Variants in SHISA6 observed in about 807,000 individuals in gnomAD.
The protein encoded by SHISA6 is protein shisa-6.
In SHISA6, 22 loss-of-function variants were observed where a neutral mutation model predicts 47.9. That is an observed-to-expected ratio of 0.46 (90% CI 0.33 to 0.66). The LOEUF (loss-of-function observed/expected upper bound fraction) is 0.66, where lower values mean the gene tolerates loss of function less well. Ranked by LOEUF, SHISA6 falls within the 30% of genes least tolerant of loss-of-function variation. The probability of loss-of-function intolerance (pLI) is 0.02; values close to 1 mark genes in which losing one functional copy is unlikely to be tolerated. For synonymous variants in SHISA6, 388 were observed against 337.8 expected (o/e 1.15, Z -1.63); for missense variants, 680 against 764.6 (o/e 0.89, Z 1.30).
chr17:11,552,082 A>T, intron 4 of SHISA6, 130 bp downstream of exon 4: 1 of 944,568 alleles, frequency 1.1e-6, no homozygotes, highest in Non-Finnish European at 1.6e-6. Flanking sequence ...CCAAGGAGCC[A>T]CAGGCTCGCC....
intron 3 of SHISA6, among the ~76,000 whole-genome samples, chr17:11,473,912 A>T (rs2321890): frequency 1.1e-4 from 17 of 151,596 alleles, no homozygotes; most frequent in Non-Finnish European, 2.1e-4. Context: ...TCCCCTTGCC[A>T]GTCATCCCCC....
intron 1 of SHISA6, among the ~76,000 whole-genome samples, chr17:11,249,713 A>T (rs1367885499): frequency 1.3e-5 from 2 of 152,238 alleles, no homozygotes; most frequent in African/African-American, 4.8e-5. Context: ...TTGACTTTAT[A>T]TAAGGGTAAC....
At chr17:11,534,994 G>T (rs1022675345) in intron 3 of SHISA6, among the ~76,000 whole-genome samples, 1 of 152,068 alleles carries the variant, frequency 6.6e-6, no homozygotes, top group Non-Finnish European at 1.5e-5. Context: ...CATGCGTGGT[G>T]GCAGGCACCT....
chr17:11,501,302 G>A (rs1460102317), intron 3 of SHISA6, among the ~76,000 whole-genome samples: 1 of 151,924 alleles, frequency 6.6e-6, no homozygotes, highest in Admixed American at 6.6e-5. Context: ...AGTAGAGATG[G>A]GGTTTCACCA....
chr17:11,503,399 G>A (rs1335868116), intron 3 of SHISA6, among the ~76,000 whole-genome samples: 1 of 152,062 alleles, frequency 6.6e-6, no homozygotes, highest in African/African-American at 2.4e-5. Context: ...CTGGAGAGTG[G>A]AGGTGGGGGT....
At chr17:11,353,577 G>A (rs1911974926) in intron 2 of SHISA6, among the ~76,000 whole-genome samples, 2 of 152,128 alleles carry the variant, frequency 1.3e-5, no homozygotes, top group South Asian at 4.2e-4. Flanking sequence ...CTGATTGGAG[G>A]ATGCATAAAT....
At chr17:11,323,135 T>C (rs561421400) in intron 2 of SHISA6, among the ~76,000 whole-genome samples, 62 of 152,370 alleles carry the variant, frequency 4.1e-4, no homozygotes, top group African/African-American at 1.4e-3. Flanking sequence ...AATTCCATTC[T>C]GTTCCTTAAT....
chr17:11,386,577 G>C (rs958514216), intron 3 of SHISA6, among the ~76,000 whole-genome samples: 1 of 152,074 alleles, frequency 6.6e-6, no homozygotes, highest in Admixed American at 6.6e-5. Context: ...TAAGAGGAGA[G>C]AAATCACAGT....
chr17:11,434,898 T>C (rs975591236), intron 3 of SHISA6, among the ~76,000 whole-genome samples: 2 of 152,198 alleles, frequency 1.3e-5, no homozygotes, highest in African/African-American at 2.4e-5. Flanking sequence ...TTTTAGAGAT[T>C]GGCAAACAGT....
intron 1 of SHISA6, among the ~76,000 whole-genome samples, chr17:11,244,340 G>A (rs1216808565): frequency 6.6e-6 from 1 of 152,128 alleles, no homozygotes; most frequent in Non-Finnish European, 1.5e-5. Flanking sequence ...GTCTGTGTGT[G>A]GTAGGGGGAC....
chr17:11,472,643 G>C (rs1567614797), intron 3 of SHISA6, among the ~76,000 whole-genome samples: 1 of 152,166 alleles, frequency 6.6e-6, no homozygotes, highest in African/African-American at 2.4e-5. Flanking sequence ...CATGTGCAGG[G>C]TTTCTTTGTG....
At chr17:11,308,076 T>C (rs1449267765) in intron 2 of SHISA6, among the ~76,000 whole-genome samples, 5 of 151,724 alleles carry the variant, frequency 3.3e-5, no homozygotes, top group Non-Finnish European at 7.4e-5. Context: ...ACTAGGGAGG[T>C]TGATGCCCAG....
Position 11,555,789 on chromosome 17 carries a change from C to T in SHISA6, c.1002C>T (p.Asp334=), listed in dbSNP as rs916041478. 1.9e-6 allele frequency: 3 copies of T among 1,551,720 alleles called. No homozygotes were observed. Among genetic ancestry groups the T allele is most frequent in the Non-Finnish European group, 2.6e-6 (3 of 1,146,918 alleles). The part of the protein sequence containing the change: ...NILTSATEPY[D]LSFSRSFQNL... ...TGACATCAGCCACCGAGCCCTATGA[C>T]CTCTCCTTCTCCCGCTCGTTCCAGA... Residue 334 remains aspartate (D), a synonymous_variant, in exon 5 of 6, where the codon GAC becomes GAT. Coordinates refer to ENST00000441885, the MANE Select transcript of SHISA6 (RefSeq NM_207386.4).
intron 2 of SHISA6, among the ~76,000 whole-genome samples, chr17:11,315,456 C>T (rs1910477535): frequency 6.6e-6 from 1 of 152,000 alleles, no homozygotes; most frequent in East Asian, 1.9e-4. Context: ...ATTCCGACCT[C>T]TTTAAAAAAA....
chr17:11,476,420 A>G (rs964522284), intron 3 of SHISA6, among the ~76,000 whole-genome samples: 6 of 152,186 alleles, frequency 3.9e-5, no homozygotes, highest in Admixed American at 1.3e-4. Context: ...ATTCAATGCT[A>G]TGCACTTCCC....
intron 2 of SHISA6, among the ~76,000 whole-genome samples, chr17:11,292,715 G>T (rs1456625650): frequency 6.6e-6 from 1 of 151,912 alleles, no homozygotes; most frequent in Non-Finnish European, 1.5e-5. Context: ...GCAAGGAGAC[G>T]AGATGAACTT....
chr17:11,302,015 G>C (rs1474769914), intron 2 of SHISA6, among the ~76,000 whole-genome samples: 1 of 152,072 alleles, frequency 6.6e-6, no homozygotes, highest in Non-Finnish European at 1.5e-5. Flanking sequence ...AAGCAAAAAC[G>C]GAAACCCCTG....
chr17:11,322,561 C>T (rs537900760), intron 2 of SHISA6, among the ~76,000 whole-genome samples: 22 of 152,178 alleles, frequency 1.4e-4, no homozygotes, highest in African/African-American at 4.3e-4. Context: ...AGAAAAGTTG[C>T]GAAGGACATG....
intron 3 of SHISA6, among the ~76,000 whole-genome samples, chr17:11,514,928 T>C (rs2071570299): frequency 6.6e-6 from 1 of 152,166 alleles, no homozygotes; most frequent in South Asian, 2.1e-4. Context: ...TACACACCCA[T>C]ATCCTTGTCT....
Sources: allele counts gnomAD v4.1 joint callset (sites outside exome capture counted in the v4.1 genomes callset), GRCh38; gene constraint gnomAD v4.1.1; transcripts MANE v1.5; gene names NCBI Gene and HGNC (gene_info 2026-07-23, HGNC 2026-07-21).